The following MORC1 variants were observed in gnomAD, a reference collection of about 807,000 sequenced individuals.
MORC1 encodes the protein MORC family CW-type zinc finger 1.
Under a neutral mutation model 134.9 loss-of-function variants are expected in MORC1, and 59 were observed. The ratio of observed to expected loss-of-function variants is 0.44; its 90% CI spans 0.35 to 0.54. MORC1 has a LOEUF of 0.54. Among genes scored for constraint, MORC1 ranks in the 20% least tolerant of loss-of-function variants. MORC1 has a pLI of 0.00. For missense variants in MORC1, 947 were observed against 1,134.5 expected, an observed-to-expected ratio of 0.83 and a Z score of 2.37; for synonymous variants, 395 against 391.7, an observed-to-expected ratio of 1.01 and a Z score of -0.10.
intron 27 of MORC1, 87 bp from the exon 28 acceptor site, chr3:108,959,207 T>C (rs975014852): frequency 1.7e-6 from 2 of 1,162,812 alleles, no homozygotes; most frequent in African/African-American, 1.6e-5. Context: ...CAGTCTTCCC[T>C]ATGACTCATG....
intron 8 of MORC1, among the ~76,000 whole-genome samples, chr3:109,075,776 T>C (rs528386033): frequency 1.3e-5 from 2 of 150,756 alleles, no homozygotes; most frequent in South Asian, 2.1e-4. Flanking sequence ...CTTGGCTATA[T>C]GGGCTCTTTT....
At chr3:109,030,915 A>G (rs566605556) in intron 16 of MORC1, among the ~76,000 whole-genome samples, 18 of 152,358 alleles carry the variant, frequency 1.2e-4, no homozygotes, top group Admixed American at 8.5e-4. Flanking sequence ...TGATTATTAC[A>G]TACTATATGC....
chr3:109,036,604 G>A (rs967017331), intron 14 of MORC1, among the ~76,000 whole-genome samples: 5 of 151,988 alleles, frequency 3.3e-5, no homozygotes, highest in African/African-American at 4.8e-5. Flanking sequence ...CTTAACATAC[G>A]GCTATGTAAT....
intron 2 of MORC1, among the ~76,000 whole-genome samples, chr3:109,112,741 C>T (rs566780025): frequency 3.0e-4 from 46 of 152,318 alleles, no homozygotes; most frequent in African/African-American, 1.1e-3. Context: ...ATATCTTAAA[C>T]CTTATAAACA....
intron 27 of MORC1, among the ~76,000 whole-genome samples, chr3:108,961,373 C>T (rs1161898989): frequency 6.6e-6 from 1 of 152,130 alleles, no homozygotes; most frequent in Non-Finnish European, 1.5e-5. Flanking sequence ...ATTCGCTGAC[C>T]CTGAAGAATG....
At chr3:109,055,824 AT>A (rs1949945964) in intron 13 of MORC1, among the ~76,000 whole-genome samples, 1 of 152,184 alleles carries the variant, frequency 6.6e-6, no homozygotes, top group Non-Finnish European at 1.5e-5. Flanking sequence ...ATACAAGATC[AT>A]TTCAGATGGT....
At chr3:109,046,687 T>C (rs913101728) in intron 14 of MORC1, among the ~76,000 whole-genome samples, 5 of 152,240 alleles carry the variant, frequency 3.3e-5, no homozygotes, top group Admixed American at 1.3e-4. Flanking sequence ...CATTATTTTA[T>C]TTTTAATGGA....
At chr3:108,962,894 G>A (rs1947118733) in intron 27 of MORC1, among the ~76,000 whole-genome samples, 1 of 151,958 alleles carries the variant, frequency 6.6e-6, no homozygotes, top group Non-Finnish European at 1.5e-5. Context: ...AAGATTAAGA[G>A]GATTTTTATT....
At chr3:108,964,993 C>A (rs1317902729) in intron 26 of MORC1, among the ~76,000 whole-genome samples, 1 of 152,166 alleles carries the variant, frequency 6.6e-6, no homozygotes, top group Non-Finnish European at 1.5e-5. Flanking sequence ...CCACCTCCAC[C>A]AGGAAGCTTC....
intron 8 of MORC1, among the ~76,000 whole-genome samples, chr3:109,086,840 G>T (rs1009851605): frequency 6.6e-6 from 1 of 151,766 alleles, no homozygotes; most frequent in East Asian, 1.9e-4. Context: ...AAAGATACAT[G>T]GGAATTTTCT....
chr3:108,991,854 C>T (rs1468913512), intron 21 of MORC1, among the ~76,000 whole-genome samples: 1 of 152,166 alleles, frequency 6.6e-6, no homozygotes, highest in Admixed American at 6.5e-5. Context: ...CATCTCAGAA[C>T]TGCTTTCATT....
At chr3:109,115,060 G>C in intron 1 of MORC1, among the ~76,000 whole-genome samples, 1 of 152,326 alleles carries the variant, frequency 6.6e-6, no homozygotes, top group South Asian at 2.1e-4. Context: ...AGTTTGGAGG[G>C]TGCACAGTTA....
chr3:108,998,077 T>C (rs1173825976), intron 21 of MORC1, among the ~76,000 whole-genome samples: 1 of 152,184 alleles, frequency 6.6e-6, no homozygotes, highest in Non-Finnish European at 1.5e-5. Flanking sequence ...GTCATGTCTC[T>C]TGGGGAGGTG....
At chr3:108,964,607 A>G (rs927080123) in intron 26 of MORC1, among the ~76,000 whole-genome samples, 2 of 152,192 alleles carry the variant, frequency 1.3e-5, no homozygotes, top group African/African-American at 4.8e-5. Flanking sequence ...AAAAATCCCT[A>G]CATATAGGAA....
Position 109,050,482 on chromosome 3 carries a change from C to T in MORC1, c.1330+4246G>A, listed in dbSNP as rs575211881. Reference sequence around the variant, plus strand: ...TTTATAAATACACTAATGCCAATCACGAAGGCTCTGCTCTCATGATCTCAT... The same window carrying T: ...TTTATAAATACACTAATGCCAATCATGAAGGCTCTGCTCTCATGATCTCAT... On this transcript the variant is annotated intron_variant, in intron 14 of 27. Coordinates refer to ENST00000232603, the MANE Select transcript of MORC1 (RefSeq NM_014429.4). Among the ~76,000 whole-genome samples, 4 of 152,200 alleles carry T rather than the reference C, an allele frequency of 2.6e-5. No homozygotes were observed. In the East Asian group the frequency reaches 7.8e-4, roughly 30 times the overall value.
chr3:109,060,787 GC>G (rs1950062104), intron 11 of MORC1, among the ~76,000 whole-genome samples: 2 of 152,044 alleles, frequency 1.3e-5, no homozygotes, highest in South Asian at 4.1e-4. Flanking sequence ...GCCTGGCAGT[GC>G]CCCCAGAGCA....
intron 21 of MORC1, among the ~76,000 whole-genome samples, chr3:108,993,629 C>T (rs1365987826): frequency 2.6e-5 from 4 of 152,088 alleles, no homozygotes; most frequent in Non-Finnish European, 4.4e-5. Flanking sequence ...AGAAATCACC[C>T]GCTTTTGAAA....
At chr3:109,013,934 CA>C in intron 17 of MORC1, among the ~76,000 whole-genome samples, 1 of 152,146 alleles carries the variant, frequency 6.6e-6, no homozygotes, top group Non-Finnish European at 1.5e-5. Flanking sequence ...CATGGGATTA[CA>C]CAGCAAGAAG....
At chr3:109,098,900 G>A (rs1950875674) in intron 6 of MORC1, among the ~76,000 whole-genome samples, 1 of 152,044 alleles carries the variant, frequency 6.6e-6, no homozygotes, top group Admixed American at 6.6e-5. Flanking sequence ...CTCAGGCACT[G>A]GTAATTAATA....
Sources: allele counts gnomAD v4.1 joint callset (sites outside exome capture counted in the v4.1 genomes callset), GRCh38; gene constraint gnomAD v4.1.1; transcripts MANE v1.5; gene names NCBI Gene and HGNC (gene_info 2026-07-23, HGNC 2026-07-21).